The following EIF4E variants were observed in gnomAD, a reference collection of about 807,000 sequenced individuals.
The protein encoded by EIF4E is eukaryotic translation initiation factor 4E, also known as eIF-4F 25 kDa subunit.
For synonymous variants in EIF4E, 71 were observed against 88.5 expected, an observed-to-expected ratio of 0.80 and a Z score of 1.11; for missense variants, 113 against 265.6, an observed-to-expected ratio of 0.43 and a Z score of 3.99.
At chr4:98,923,836 G>C (rs1725756674) in intron 1 of EIF4E, among the ~76,000 whole-genome samples, 1 of 152,196 alleles carries the variant, frequency 6.6e-6, no homozygotes, top group Non-Finnish European at 1.5e-5. Flanking sequence ...AACATTCATG[G>C]AATGTCAACT....
intron 1 of EIF4E, among the ~76,000 whole-genome samples, chr4:98,917,678 T>C (rs1020209662): frequency 2.6e-5 from 4 of 151,898 alleles, no homozygotes; most frequent in African/African-American, 9.7e-5. Flanking sequence ...GAAAAGAAGA[T>C]GGAGGAGGGG....
At position 98,912,109 on chromosome 4, in the gene EIF4E, G is replaced by A. The variant is rs559586121; in HGVS notation, c.19-10127C>T. On this transcript the variant is annotated intron_variant, in intron 1 of 6. Transcript: ENST00000450253. ...CTCTACCAAAAACACAAAATTAGCTGGGCATGGTGGCGCATGCCTGTAATC... is the reference window on the plus strand; with the variant it reads ...CTCTACCAAAAACACAAAATTAGCTAGGCATGGTGGCGCATGCCTGTAATC... Among the ~76,000 whole-genome samples, 21 of 151,870 alleles carry A rather than the reference G, an allele frequency of 1.4e-4. No individual in the cohort carries two copies. In the South Asian group the frequency reaches 4.2e-3, roughly 30 times the overall value.
intron 1 of EIF4E, among the ~76,000 whole-genome samples, chr4:98,912,772 G>T (rs1032369906): frequency 6.6e-6 from 1 of 152,088 alleles, no homozygotes; most frequent in Admixed American, 6.6e-5. Context: ...ATCTTTTAAA[G>T]AATTTAACTG....
intron 1 of EIF4E, chr4:98,928,864 C>A (rs1178994771): frequency 6.5e-7 from 1 of 1,543,008 alleles, no homozygotes; most frequent in Admixed American, 2.0e-5. Context: ...GCCCCTCCCC[C>A]ACACCGCTCC....
At chr4:98,882,278 G>A (rs1166431690) in intron 6 of EIF4E, among the ~76,000 whole-genome samples, 7 of 151,694 alleles carry the variant, frequency 4.6e-5, no homozygotes, top group Non-Finnish European at 1.0e-4. Flanking sequence ...TGTAGTCCCA[G>A]CAACTCGGGA....
intron 1 of EIF4E, among the ~76,000 whole-genome samples, chr4:98,904,461 AT>A (rs1197205087): frequency 6.6e-6 from 1 of 152,124 alleles, no homozygotes; most frequent in Non-Finnish European, 1.5e-5. Flanking sequence ...ACTGATTACT[AT>A]AGTCTTCATA....
At chr4:98,920,058 T>C (rs1725578695) in intron 1 of EIF4E, among the ~76,000 whole-genome samples, 1 of 152,238 alleles carries the variant, frequency 6.6e-6, no homozygotes, top group South Asian at 2.1e-4. Flanking sequence ...CTCAGAAAGT[T>C]CTCCTGGACA....
At position 98,887,207 on chromosome 4, in the gene EIF4E, GACAACAGTATTAC is replaced by G; in HGVS notation, c.286-28_286-16del. Reference sequence around the variant, plus strand: ...TCAATACCATCCTACAGGGTTAGAAGACAACAGTATTACACAACATTGTTACCTTGACTTTGAG... The same window carrying G: ...TCAATACCATCCTACAGGGTTAGAAGACAACATTGTTACCTTGACTTTGAG... On this transcript the variant is annotated splice_polypyrimidine_tract_variant and intron_variant, in intron 4 of 6. Transcript: ENST00000450253. The surrounding 1 kb of genome is among the most constrained non-coding windows in gnomAD (Gnocchi z 4.0). 6.2e-7 allele frequency: 1 copy of G among 1,610,824 alleles called. No homozygotes were observed. Among genetic ancestry groups the G allele is most frequent in the Non-Finnish European group, 8.5e-7 (1 of 1,177,128 alleles).
chr4:98,900,554 TA>T lies in EIF4E; in HGVS notation c.125+1321del, dbSNP rs945896385. Reference sequence around the variant, plus strand: ...TAAGTAGAGAGTGAATGGTCTGCCCTAAAAAAAGTAAATAAAAACAAAAAAA... The same window carrying T: ...TAAGTAGAGAGTGAATGGTCTGCCCTAAAAAAGTAAATAAAAACAAAAAAA... On this transcript the variant is annotated intron_variant, in intron 2 of 6. Transcript: ENST00000450253. Among the ~76,000 whole-genome samples the T allele has an allele frequency of 5.3e-5, 8 of 152,142 alleles. No homozygotes were observed. The East Asian group carries it at 7.7e-4, about 15-fold the overall frequency.
At position 98,901,914 on chromosome 4, in the gene EIF4E, A is replaced by G; in HGVS notation, c.87T>C (p.Ala29=). 6.2e-7 allele frequency: 1 copy of G among 1,612,662 alleles called. No homozygotes were observed. Among genetic ancestry groups the G allele is most frequent in the Non-Finnish European group, 8.5e-7 (1 of 1,179,882 alleles). The stretch of plus-strand genomic sequence containing the variant: ...GATGTTTAATATAGTGTTCTGGGTT[A>G]GCAACCTCCTGATTAGATTCCGTTT... ...EEKTESNQEV[A]NPEHYIKHPL... is the part of the protein sequence containing the mutation. The change falls in exon 2 of 7, where the codon GCT becomes GCC. Residue 29 remains alanine (A), a synonymous_variant. Transcript: ENST00000450253.
At chr4:98,903,876 A>T (rs1314132336) in intron 1 of EIF4E, among the ~76,000 whole-genome samples, 1 of 152,212 alleles carries the variant, frequency 6.6e-6, no homozygotes, top group African/African-American at 2.4e-5. Context: ...GTTCAAACAG[A>T]TAATTACTGA....
At chr4:98,883,418 T>C (rs1723784094) in intron 6 of EIF4E, among the ~76,000 whole-genome samples, 1 of 123,522 alleles carries the variant, frequency 8.1e-6, no homozygotes, top group Non-Finnish European at 1.7e-5. Context: ...TTTTTTTTTG[T>C]GAGACAGTCT....
At chr4:98,890,408 C>T (rs1724098162) in intron 3 of EIF4E, among the ~76,000 whole-genome samples, 1 of 152,166 alleles carries the variant, frequency 6.6e-6, no homozygotes, top group Non-Finnish European at 1.5e-5. Context: ...TAGTACCTCC[C>T]TAGTCATTCT....
chr4:98,917,083 A>AACACACACACACAC (rs751653561), intron 1 of EIF4E, among the ~76,000 whole-genome samples: 1 of 102,928 alleles, frequency 9.7e-6, no homozygotes, highest in Non-Finnish European at 1.8e-5. Flanking sequence ...ACCTTTTCTA[A>AACACACACACACAC]ACACACACAC....
At chr4:98,883,393 ATTTTTTT>A (rs11408890) in intron 6 of EIF4E, among the ~76,000 whole-genome samples, 13 of 103,876 alleles carry the variant, frequency 1.3e-4, no homozygotes, top group Admixed American at 2.8e-4. Flanking sequence ...TGTAAGTCAA[ATTTTTTT>A]TTTTTTTTTT....
intron 2 of EIF4E, among the ~76,000 whole-genome samples, chr4:98,898,523 G>T (rs954642397): frequency 6.6e-6 from 1 of 151,272 alleles, no homozygotes; most frequent in Non-Finnish European, 1.5e-5. Context: ...CAGAAGAATC[G>T]CTTGAACCCG....
intron 6 of EIF4E, 47 bp from the exon 7 acceptor site, chr4:98,881,189 T>C: frequency 6.3e-7 from 1 of 1,595,646 alleles, no homozygotes; most frequent in Non-Finnish European, 8.5e-7. Context: ...CATTAACTTT[T>C]ACTCACAAGA....
At chr4:98,914,585 T>G (rs1448563468) in intron 1 of EIF4E, among the ~76,000 whole-genome samples, 1 of 151,944 alleles carries the variant, frequency 6.6e-6, no homozygotes, top group Non-Finnish European at 1.5e-5. Context: ...ATTCTAACTC[T>G]GTGACACTCT....
At chr4:98,894,302 T>C (rs1210739341) in intron 2 of EIF4E, among the ~76,000 whole-genome samples, 1 of 152,248 alleles carries the variant, frequency 6.6e-6, no homozygotes, top group African/African-American at 2.4e-5. Context: ...CTGTCCTTTG[T>C]AGCTTTGAAG....
Sources: allele counts gnomAD v4.1 joint callset (sites outside exome capture counted in the v4.1 genomes callset), GRCh38; gene constraint gnomAD v4.1.1; non-coding constraint Gnocchi (gnomAD v3.1); transcripts MANE v1.5; gene names NCBI Gene and HGNC (gene_info 2026-07-23, HGNC 2026-07-21).